NSMCE2: variants seen among roughly 807,000 people sequenced by gnomAD.
NSMCE2 encodes NSE2 SUMO ligase component of SMC5/6 complex.
A neutral mutation model predicts 23.8 loss-of-function variants in NSMCE2; 24 were observed. The observed-to-expected ratio is 1.01, with a 90% confidence interval of 0.73 to 1.42. NSMCE2 has a LOEUF of 1.42. Ranked by LOEUF, NSMCE2 falls within the 40% of genes most tolerant of loss-of-function variation. The pLI, the probability that NSMCE2 is intolerant of heterozygous loss-of-function variation, is 0.00. For missense variants in NSMCE2, 284 were observed against 296.5 expected, an observed-to-expected ratio of 0.96 and a Z score of 0.31; for synonymous variants, 92 against 94.1, an observed-to-expected ratio of 0.98 and a Z score of 0.13.
intron 5 of NSMCE2, among the ~76,000 whole-genome samples, chr8:125,355,108 C>T (rs1445446495): frequency 6.6e-6 from 1 of 152,186 alleles, no homozygotes; most frequent in Non-Finnish European, 1.5e-5. Flanking sequence ...AAATCCGAAA[C>T]ACTTCTGGTC....
chr8:125,116,524 T>C (rs1819011997), intron 3 of NSMCE2, among the ~76,000 whole-genome samples: 1 of 152,192 alleles, frequency 6.6e-6, no homozygotes, highest in Admixed American at 6.5e-5. Flanking sequence ...CTCATCCTAT[T>C]ATGGATAGTT....
chr8:125,190,728 G>T (rs1823307347), intron 5 of NSMCE2, among the ~76,000 whole-genome samples: 1 of 152,134 alleles, frequency 6.6e-6, no homozygotes, highest in African/African-American at 2.4e-5. Flanking sequence ...TTGGATGATA[G>T]TTATAATACA....
intron 7 of NSMCE2, among the ~76,000 whole-genome samples, chr8:125,366,207 T>C (rs1813784160): frequency 6.6e-6 from 1 of 152,160 alleles, no homozygotes; most frequent in Admixed American, 6.5e-5. Flanking sequence ...AGCAAGCATT[T>C]ATTTGGTTCC....
intron 3 of NSMCE2, 72 bp downstream of exon 3, chr8:125,102,559 C>A: frequency 1.6e-6 from 2 of 1,227,242 alleles, no homozygotes; most frequent in South Asian, 1.2e-5. Flanking sequence ...TCTGGGGGTG[C>A]CTTTTGAGTA....
intron 5 of NSMCE2, among the ~76,000 whole-genome samples, chr8:125,287,953 A>G (rs1563764747): frequency 6.6e-6 from 1 of 152,012 alleles, no homozygotes; most frequent in African/African-American, 2.4e-5. Context: ...CTTCTCAACT[A>G]ACTCCTGTAT....
chr8:125,246,736 AT>A (rs1205636314), intron 5 of NSMCE2, among the ~76,000 whole-genome samples: 4 of 152,050 alleles, frequency 2.6e-5, no homozygotes, highest in African/African-American at 7.2e-5. Context: ...TGACCAAATT[AT>A]TTTTTTCCTC....
At position 125,149,290 on chromosome 8, in the gene NSMCE2, C is replaced by T. The variant is rs139695873; in HGVS notation, c.158-1881C>T. ...GAAGCATGTTAACCCAGGAGATAGT[C>T]TATGAAATATACTTATAAGTAACTA... On this transcript the variant is annotated intron_variant, in intron 3 of 7. Coordinates refer to ENST00000287437, the MANE Select transcript of NSMCE2 (RefSeq NM_173685.4). 4.6e-3 allele frequency among the ~76,000 whole-genome samples: 701 copies of T among 152,178 alleles called. 7 individuals are homozygous for T. The highest frequency in any genetic ancestry group is 0.016 in the African/African-American group (669 of 41,514).
At chr8:125,239,717 A>G (rs927821984) in intron 5 of NSMCE2, among the ~76,000 whole-genome samples, 2 of 149,282 alleles carry the variant, frequency 1.3e-5, no homozygotes, top group Non-Finnish European at 3.0e-5. Flanking sequence ...TTCAATAAAT[A>G]ATTAATTAGA....
intron 5 of NSMCE2, among the ~76,000 whole-genome samples, chr8:125,187,312 A>G (rs1823150926): frequency 6.6e-6 from 1 of 152,240 alleles, no homozygotes; most frequent in Non-Finnish European, 1.5e-5. Context: ...GTGATAACTG[A>G]GTTAGGGAAC....
chr8:125,113,425 A>C (rs905930283), intron 3 of NSMCE2, among the ~76,000 whole-genome samples: 2 of 152,178 alleles, frequency 1.3e-5, no homozygotes, highest in Non-Finnish European at 2.9e-5. Flanking sequence ...GGCTACAGCA[A>C]GATATGATTA....
At chr8:125,265,332 C>T (rs1826867167) in intron 5 of NSMCE2, among the ~76,000 whole-genome samples, 1 of 151,924 alleles carries the variant, frequency 6.6e-6, no homozygotes, top group South Asian at 2.1e-4. Context: ...AGCGATTTTC[C>T]TACCTCAGCC....
intron 3 of NSMCE2, among the ~76,000 whole-genome samples, chr8:125,136,772 A>G (rs564878708): frequency 1.6e-4 from 25 of 152,186 alleles, no homozygotes; most frequent in African/African-American, 2.2e-4. Flanking sequence ...AATTATTACT[A>G]TTTTTCAATA....
intron 5 of NSMCE2, among the ~76,000 whole-genome samples, chr8:125,248,750 C>T (rs1176849343): frequency 6.6e-6 from 1 of 152,194 alleles, no homozygotes; most frequent in Non-Finnish European, 1.5e-5. Flanking sequence ...CAAGTGTATT[C>T]TATGTATTAC....
chr8:125,222,075 C>T (rs1016117104), intron 5 of NSMCE2, among the ~76,000 whole-genome samples: 1 of 151,692 alleles, frequency 6.6e-6, no homozygotes, highest in Non-Finnish European at 1.5e-5. Context: ...GTATTATATG[C>T]CAGAAACTAT....
At chr8:125,146,278 G>A (rs371746493) in intron 3 of NSMCE2, among the ~76,000 whole-genome samples, 1 of 152,200 alleles carries the variant, frequency 6.6e-6, no homozygotes, top group Non-Finnish European at 1.5e-5. Context: ...GTGGGCAAGT[G>A]TACAGACTTG....
chr8:125,129,498 A>G (rs1191227677), intron 3 of NSMCE2, among the ~76,000 whole-genome samples: 1 of 151,876 alleles, frequency 6.6e-6, no homozygotes. Flanking sequence ...ACCCAGGTCC[A>G]TTAAATCTTT....
intron 5 of NSMCE2, among the ~76,000 whole-genome samples, chr8:125,254,201 C>CT (rs1491017133): frequency 6.6e-6 from 1 of 152,124 alleles, no homozygotes; most frequent in Non-Finnish European, 1.5e-5. Context: ...TTGAAACACT[C>CT]TGTGTTTCAG....
intron 1 of NSMCE2, among the ~76,000 whole-genome samples, chr8:125,096,657 A>C (rs1226303217): frequency 3.0e-5 from 1 of 33,620 alleles, no homozygotes; most frequent in Non-Finnish European, 6.2e-5. Context: ...TTTTTTTTTC[A>C]TACGGAGTCT....
chr8:125,365,456 C>T (rs1334263174), intron 7 of NSMCE2, among the ~76,000 whole-genome samples: 1 of 152,184 alleles, frequency 6.6e-6, no homozygotes, highest in Admixed American at 6.5e-5. Flanking sequence ...TCTTACCTCC[C>T]TGTTTTGTAT....
Sources: gnomAD v4.1 joint callset for allele counts (sites outside exome capture counted in the v4.1 genomes callset) on GRCh38, gnomAD v4.1.1 for gene constraint, MANE v1.5 for transcripts, NCBI Gene and HGNC (gene_info 2026-07-23, HGNC 2026-07-21) for gene names.